PAK4: variants seen among roughly 807,000 people sequenced by gnomAD.
The protein encoded by PAK4 is p21 (RAC1) activated kinase 4, also known as serine/threonine-protein kinase PAK 4.
In PAK4, 49 loss-of-function variants were observed where a neutral mutation model predicts 53.5. The ratio of observed to expected loss-of-function variants is 0.92; its 90% CI spans 0.73 to 1.16. The LOEUF is 1.16. PAK4 is among the 50% of genes most tolerant of loss of function. PAK4 has a pLI of 0.00. For missense variants in PAK4, 824 were observed against 850.7 expected, an observed-to-expected ratio of 0.97 and a Z score of 0.39; for synonymous variants, 376 against 375.6, an observed-to-expected ratio of 1.00 and a Z score of -0.01.
chr19:39,173,307 A>G lies in PAK4; in HGVS notation c.594A>G (p.Lys198=). 1 of 1,600,580 alleles carries G rather than the reference A, an allele frequency of 6.2e-7. No individual in the cohort carries two copies. Among genetic ancestry groups the G allele is most frequent in the Non-Finnish European group, 8.5e-7 (1 of 1,173,228 alleles). Residue 198 remains lysine (K), a synonymous_variant, in exon 3 of 9, where the codon AAA becomes AAG. Coordinates refer to ENST00000358301, the Ensembl canonical transcript of PAK4. The surrounding 1 kb of genome is among the most constrained non-coding windows in gnomAD (Gnocchi z 6.9). ...CTGCTGGTCTGGCCAGTGGGGCGAA[A>G]CTGGCAGCTGGCCGGCCCTTTAACA... is the stretch of plus-strand genomic sequence containing the variant.
At position 39,178,634 on chromosome 19, in the gene PAK4, T is replaced by G; in HGVS notation, c.*55T>G. The G allele has an allele frequency of 6.7e-7, 1 of 1,484,454 alleles. No homozygotes were observed. The highest frequency in any genetic ancestry group is 1.3e-5 in the South Asian group (1 of 77,830). 92.0% of individuals were successfully genotyped at this position (1,484,454 alleles called of 1,614,324 possible). ...GCCCCCCGGGTCACCCCCGCCCCAC[T>G]GAGGCCAGTAGGGGGCCAGGCCTCC... On this transcript the variant is annotated 3_prime_UTR_variant, in exon 9 of 9. Transcript: ENST00000358301. This position sits in a 1 kb window ranked among gnomAD's most constrained non-coding sequence, Gnocchi z 4.4.
chr19:39,126,870 T>C (rs2145077878), intron 1 of PAK4, among the ~76,000 whole-genome samples: 1 of 152,148 alleles, frequency 6.6e-6, no homozygotes, highest in Non-Finnish European at 1.5e-5. Context: ...ACGGGAAAAA[T>C]GAGGCTCAGA....
At chr19:39,164,369 G>A (rs2074335131) in intron 1 of PAK4, among the ~76,000 whole-genome samples, 2 of 152,072 alleles carry the variant, frequency 1.3e-5, no homozygotes, top group South Asian at 4.1e-4. Context: ...AGCAGAGACA[G>A]GTGTAGAGGG....
At chr19:39,128,365 C>T (rs1261651777) in intron 1 of PAK4, among the ~76,000 whole-genome samples, 1 of 152,188 alleles carries the variant, frequency 6.6e-6, no homozygotes, top group African/African-American at 2.4e-5. Context: ...CTCTGGCAGC[C>T]ACCCCATCCC....
At chr19:39,132,519 C>G (rs2145105663) in intron 1 of PAK4, among the ~76,000 whole-genome samples, 1 of 152,410 alleles carries the variant, frequency 6.6e-6, no homozygotes, top group South Asian at 2.1e-4. Flanking sequence ...ACACAGAGTG[C>G]CGCCTCGTGT....
intron 2 of PAK4, among the ~76,000 whole-genome samples, chr19:39,171,708 G>A (rs964610027): frequency 6.6e-6 from 1 of 152,204 alleles, no homozygotes; most frequent in Admixed American, 6.5e-5. Context: ...GCAGGGTCCG[G>A]GTTTCGTGGG....
rs1439376865 is a variant in PAK4 at position 39,161,619 on chromosome 19, AGGCGGT to A, written c.-22-7909_-22-7904del. Among the ~76,000 whole-genome samples the A allele has an allele frequency of 6.6e-6, 1 of 151,892 alleles. No homozygotes were observed. Among genetic ancestry groups the A allele is most frequent in the Non-Finnish European group, 1.5e-5 (1 of 67,942 alleles). On this transcript the variant is annotated intron_variant, in intron 1 of 8. Transcript: ENST00000358301. This position sits in a 1 kb window ranked among gnomAD's most constrained non-coding sequence, Gnocchi z 4.5. Reference sequence around the variant, plus strand: ...GTGGGAGCCTGTGAACTCCTGAGTCAGGCGGTGGCCCTCCTGGGCTCAGAGACCCCT... The same window carrying A: ...GTGGGAGCCTGTGAACTCCTGAGTCAGGCCCTCCTGGGCTCAGAGACCCCT...
intron 1 of PAK4, among the ~76,000 whole-genome samples, chr19:39,156,300 A>G (rs994696017): frequency 1.4e-5 from 2 of 142,670 alleles, no homozygotes; most frequent in East Asian, 2.1e-4. Flanking sequence ...CCAGGGCTCT[A>G]TCCTGCACCT....
intron 1 of PAK4, among the ~76,000 whole-genome samples, chr19:39,163,611 G>A (rs947140120): frequency 1.3e-5 from 2 of 152,166 alleles, no homozygotes; most frequent in Non-Finnish European, 2.9e-5. Flanking sequence ...TGCCTGTCCC[G>A]CATGTTAAAG....
intron 1 of PAK4, among the ~76,000 whole-genome samples, chr19:39,154,481 C>T (rs1239843104): frequency 6.6e-6 from 1 of 152,170 alleles, no homozygotes; most frequent in Non-Finnish European, 1.5e-5. Flanking sequence ...CAGGGCTGAG[C>T]TGGGCCAGGG....
intron 2 of PAK4, among the ~76,000 whole-genome samples, chr19:39,171,498 T>TG (rs2074478509): frequency 6.6e-6 from 1 of 152,196 alleles, no homozygotes; most frequent in South Asian, 2.1e-4. Context: ...CACTGCTTCT[T>TG]GCCTCAACGC....
intron 1 of PAK4, chr19:39,152,515 C>T (rs541647862): frequency 6.6e-6 from 1 of 151,898 alleles, no homozygotes; most frequent in Non-Finnish European, 1.5e-5. Context: ...AGTATTGAAC[C>T]TAATAAGGAA....
intron 2 of PAK4, among the ~76,000 whole-genome samples, chr19:39,170,887 G>A (rs1264603319): frequency 2.6e-5 from 4 of 152,234 alleles, no homozygotes. Context: ...AGCTGGAGGC[G>A]AGTGGCAGCT....
At chr19:39,144,800 G>C (rs2073973212) in intron 1 of PAK4, among the ~76,000 whole-genome samples, 1 of 152,068 alleles carries the variant, frequency 6.6e-6, no homozygotes, top group Admixed American at 6.5e-5. Flanking sequence ...GTGTGCACTT[G>C]TGCTCATTGT....
At chr19:39,180,662 T>C (rs969394026), downstream of PAK4, 4 of 152,174 alleles carry the variant, frequency 2.6e-5, no homozygotes, top group African/African-American at 9.7e-5. Flanking sequence ...GCCAGACTGG[T>C]CTTGAACTCC....
chr19:39,173,470 T>A lies in PAK4; in HGVS notation c.663+94T>A. 1 of 1,330,818 alleles carries A rather than the reference T, an allele frequency of 7.5e-7. No individual in the cohort carries two copies. Among genetic ancestry groups the A allele is most frequent in the South Asian group, 1.5e-5 (1 of 68,838 alleles). 82.4% of individuals were successfully genotyped at this position (1,330,818 alleles called of 1,614,324 possible). A position where few individuals can be genotyped will look rare whatever the true frequency, so the allele number is the denominator to read the frequency against. On this transcript the variant is annotated intron_variant, in intron 3 of 8. Transcript: ENST00000358301. The surrounding 1 kb of genome is among the most constrained non-coding windows in gnomAD (Gnocchi z 6.9). ...CCCCGCCCCACCACCGTGCATCTCATCCTGACCACCCATGTGTCTGTCCCA... is the reference window on the plus strand; with the variant it reads ...CCCCGCCCCACCACCGTGCATCTCAACCTGACCACCCATGTGTCTGTCCCA...
chr19:39,170,553 G>A (rs893122955), intron 2 of PAK4, among the ~76,000 whole-genome samples: 2 of 152,258 alleles, frequency 1.3e-5, no homozygotes, highest in Non-Finnish European at 2.9e-5. Context: ...TCTGAAGCCA[G>A]CCTTGGAGCC....
At chr19:39,139,427 C>T (rs1337864823) in intron 1 of PAK4, among the ~76,000 whole-genome samples, 1 of 152,108 alleles carries the variant, frequency 6.6e-6, no homozygotes, top group Non-Finnish European at 1.5e-5. Flanking sequence ...AAGGGGTGTT[C>T]AGGGAGGACT....
At chr19:39,134,100 C>T (rs2073766133) in intron 1 of PAK4, among the ~76,000 whole-genome samples, 1 of 152,258 alleles carries the variant, frequency 6.6e-6, no homozygotes, top group Non-Finnish European at 1.5e-5. Context: ...TTCTGTCGTC[C>T]CTTCCCCGCA....
Sources: allele counts gnomAD v4.1 joint callset (sites outside exome capture counted in the v4.1 genomes callset), GRCh38; gene constraint gnomAD v4.1.1; non-coding constraint Gnocchi (gnomAD v3.1); transcripts MANE v1.5; gene names NCBI Gene and HGNC (gene_info 2026-07-23, HGNC 2026-07-21).